The following ZNF396 variants were observed in gnomAD, a reference collection of about 807,000 sequenced individuals.
ZNF396 encodes the protein zinc finger and SCAN domain-containing protein 14.
ZNF396 carries 14 observed loss-of-function variants against 20.5 expected under a neutral mutation model. That is an observed-to-expected ratio of 0.68 (90% CI 0.45 to 1.07). ZNF396 has a LOEUF of 1.07. ZNF396 is among the 50% of genes least tolerant of loss of function. The pLI is 0.00. For missense variants in ZNF396, 347 were observed against 390.1 expected, an observed-to-expected ratio of 0.89 and a Z score of 0.93; for synonymous variants, 119 against 140.6, an observed-to-expected ratio of 0.85 and a Z score of 1.08.
At chr18:35,373,786 T>C in intron 2 of ZNF396, 90 bp downstream of exon 2, 1 of 1,526,582 alleles carries the variant, frequency 6.6e-7, no homozygotes, top group Non-Finnish European at 8.8e-7. Context: ...TTGTGCTGAG[T>C]GGGAATACAG....
chr18:35,373,857 C>A lies in ZNF396; in HGVS notation c.417+19G>T. On this transcript the variant is annotated intron_variant, in intron 2 of 3. Transcript: ENST00000589332. Reference sequence around the variant, plus strand: ...CTTGACTCAGCCTGGGGGTTCATCTCCACAGGCATCCTTCTTACCTGCTTT... The same window carrying A: ...CTTGACTCAGCCTGGGGGTTCATCTACACAGGCATCCTTCTTACCTGCTTT... 1 of 1,596,762 alleles carries A rather than the reference C, an allele frequency of 6.3e-7. No homozygotes were observed. Among genetic ancestry groups the A allele is most frequent in the Non-Finnish European group, 8.5e-7 (1 of 1,169,886 alleles).
At chr18:35,370,760 G>A (rs974963323) in intron 3 of ZNF396, among the ~76,000 whole-genome samples, 96 of 151,842 alleles carry the variant, frequency 6.3e-4, no homozygotes, top group East Asian at 1.2e-3. Context: ...TGATCCGCCC[G>A]CCTCGGCCTC....
intron 3 of ZNF396, among the ~76,000 whole-genome samples, chr18:35,370,504 A>ATTTTTTTT (rs35532616): frequency 1.2e-5 from 1 of 81,760 alleles, no homozygotes; most frequent in Non-Finnish European, 2.1e-5. Context: ...TCATGGTGGC[A>ATTTTTTTT]TTTTTTTTTT....
chr18:35,370,551 C>G (rs539980027), intron 3 of ZNF396, among the ~76,000 whole-genome samples: 1 of 108,276 alleles, frequency 9.2e-6, no homozygotes, highest in Non-Finnish European at 1.7e-5. Flanking sequence ...CTCGCTCTGT[C>G]GCCCAGGCTG....
rs2045231060 is a variant in ZNF396, at chr18:35,374,443, A to T, written c.-72-79T>A. ...TAGAACAAAACAACTAAGATTAGAA[A>T]CATAAGACTGTATAGGAACTACTGA... On this transcript the variant is annotated intron_variant, in intron 1 of 3. Transcript: ENST00000589332. The surrounding 1 kb of genome is among the most constrained non-coding windows in gnomAD (Gnocchi z 4.3). The T allele has an allele frequency of 2.0e-5, 14 of 698,524 alleles. No homozygotes were observed. The South Asian group carries it at 2.7e-4, about 14-fold the overall frequency. 43.3% of individuals were successfully genotyped at this position (698,524 alleles called of 1,614,324 possible). A position where few individuals can be genotyped will look rare whatever the true frequency, so the allele number is the denominator to read the frequency against.
In ZNF396 at chr18:35,374,255, G is replaced by A. The variant is rs2045228020; in HGVS notation, c.38C>T (p.Thr13Ile). The change falls in exon 2 of 4, where the codon ACA (threonine) becomes ATA (isoleucine). Residue 13 changes from threonine to isoleucine, a missense_variant. Thr to Ile is a moderately conservative substitution (Grantham distance 89). Transcript: ENST00000589332. This position sits in a 1 kb window ranked among gnomAD's most constrained non-coding sequence, Gnocchi z 4.3. ...CCCATTACACTCCTCTGAAGTTTGT[G>A]TTAGGAGTGATGATGACTTTCCCAA... ...AKLGKSSSLL[T>I]QTSEECNGIL... The A allele has an allele frequency of 1.2e-6, 2 of 1,614,148 alleles. No individual in the cohort carries two copies.
intron 1 of ZNF396, among the ~76,000 whole-genome samples, chr18:35,375,264 A>G (rs2032731): frequency 0.94 from 138,216 of 146,396 alleles, 65,771 homozygotes; most frequent in Middle Eastern, 0.99. Flanking sequence ...GTGCAACATA[A>G]TGGGACCCCA....
intron 3 of ZNF396, chr18:35,373,105 T>C (rs2045204900): frequency 3.4e-6 from 1 of 293,466 alleles, no homozygotes; most frequent in Non-Finnish European, 6.2e-6. Flanking sequence ...ACTGAGCAGT[T>C]ATATAGGAAA....
At position 35,369,512 on chromosome 18, in the gene ZNF396, C is replaced by T. The variant is rs771256350; in HGVS notation, c.711G>A (p.Arg237=). The T allele has an allele frequency of 6.2e-7, 1 of 1,614,094 alleles. No individual in the cohort carries two copies. Among genetic ancestry groups the T allele is most frequent in the South Asian group, 1.1e-5 (1 of 91,084 alleles). The part of the protein sequence containing the change: ...TYRGTYEQDG[R]FEKRQGNPSW... ...AAGGGTTTCCTTGTCTCTTTTCAAA[C>T]CTACCATCTTGTTCATAGGTTCCTC... The change falls in exon 4 of 4, where the codon AGG becomes AGA. Residue 237 remains arginine (R), a synonymous_variant. Transcript: ENST00000589332.
Position 35,368,474 on chromosome 18 carries a change from ATTTTTATT to A in ZNF396, c.*733_*740del, listed in dbSNP as rs2045124757. 1 of 812,048 alleles carries A rather than the reference ATTTTTATT, an allele frequency of 1.2e-6. No homozygotes were observed. Among genetic ancestry groups the A allele is most frequent in the Admixed American group, 3.7e-5 (1 of 26,862 alleles). The allele number at this position is 812,048 out of a possible 1,614,324, so 50.3% of individuals were successfully genotyped here. A position where few individuals can be genotyped will look rare whatever the true frequency, so the allele number is the denominator to read the frequency against. Reference sequence around the variant, plus strand: ...GTAACAGAAGACAAAATAGGAATTTATTTTTATTTTTATTTATTTATTTATTTATTTAT... The same window carrying A: ...GTAACAGAAGACAAAATAGGAATTTATTTATTTATTTATTTATTTATTTAT... On this transcript the variant is annotated 3_prime_UTR_variant, in exon 4 of 4. Coordinates refer to ENST00000589332, the MANE Select transcript of ZNF396 (RefSeq NM_001322286.2).
Position 35,367,260 on chromosome 18 carries a change from A to G in ZNF396, c.*1955T>C, listed in dbSNP as rs1229235497. The G allele has an allele frequency of 6.6e-6, 1 of 152,254 alleles. No homozygotes were observed. Among genetic ancestry groups the G allele is most frequent in the East Asian group, 1.9e-4 (1 of 5,206 alleles). 9.4% of individuals were successfully genotyped at this position (152,254 alleles called of 1,614,324 possible). ...ATCATAATCACTATCAGAAAATTCT[A>G]TAATAAAATTTACATTCACTTCTCC... is the stretch of plus-strand genomic sequence containing the variant. On this transcript the variant is annotated 3_prime_UTR_variant, in exon 4 of 4. Transcript: ENST00000589332.
At chr18:35,370,663 C>T (rs1189590065) in intron 3 of ZNF396, among the ~76,000 whole-genome samples, 2 of 151,112 alleles carry the variant, frequency 1.3e-5, no homozygotes, top group Admixed American at 6.6e-5. Context: ...CAGGCGCCCG[C>T]CACTACGCCC....
intron 3 of ZNF396, 62 bp downstream of exon 3, chr18:35,373,394 A>AT (rs1416526152): frequency 6.4e-7 from 1 of 1,557,872 alleles, no homozygotes; most frequent in African/African-American, 1.4e-5. Flanking sequence ...ATCAGCTGAG[A>AT]TGTGTGTGGT....
rs755631539 is a variant in ZNF396 at position 35,374,085 on chromosome 18, G to C, written c.208C>G (p.Leu70Val). Residue 70 changes from leucine to valine, a missense_variant, in exon 2 of 4, where the codon CTG becomes GTG. Transcript: ENST00000589332. The surrounding 1 kb of genome is among the most constrained non-coding windows in gnomAD (Gnocchi z 4.3). ...YQDSPGPHEA[L>V]SRLWELCHLW... ...TGACAAAGTTCCCAGAGCCGGCTCA[G>C]AGCCTCATGGGGCCCAGGTGAATCC... 3 of 1,614,252 alleles carry C rather than the reference G, an allele frequency of 1.9e-6. 1 individual carries two copies. The highest frequency in any genetic ancestry group is 2.5e-6 in the Non-Finnish European group (3 of 1,180,046).
chr18:35,376,384 G>T (rs1173190845), intron 1 of ZNF396: 1 of 152,188 alleles, frequency 6.6e-6, no homozygotes, highest in Non-Finnish European at 1.5e-5. Context: ...AAAAGCCCTA[G>T]ATTATTTTTA....
chr18:35,369,734 C>T, intron 3 of ZNF396, 74 bp from the exon 4 acceptor site: 1 of 1,415,516 alleles, frequency 7.1e-7, no homozygotes, highest in Non-Finnish European at 9.5e-7. Flanking sequence ...TTATTGCTAG[C>T]ATGTTTATAA....
chr18:35,370,348 G>A (rs1168540394), intron 3 of ZNF396, among the ~76,000 whole-genome samples: 1 of 151,920 alleles, frequency 6.6e-6, no homozygotes, highest in African/African-American at 2.4e-5. Context: ...TATGGGCTGC[G>A]GCCACTCAGG....
At position 35,369,293 on chromosome 18, in the gene ZNF396, A is replaced by G. The variant is rs1186657275; in HGVS notation, c.930T>C (p.His310=). The G allele has an allele frequency of 1.9e-6, 3 of 1,614,076 alleles. No homozygotes were observed. In the African/African-American group the frequency reaches 4.0e-5, roughly 22 times the overall value. The part of the protein sequence containing the change: ...THTGEKPYKC[H]DCGKAFSQSS... Reference sequence around the variant, plus strand: ...TCTGACTAAAGGCTTTGCCACAGTCATGACACTTGTAGGGCTTCTCACCAG... The same window carrying G: ...TCTGACTAAAGGCTTTGCCACAGTCGTGACACTTGTAGGGCTTCTCACCAG... Residue 310 remains histidine, a synonymous_variant, in exon 4 of 4, where the codon CAT becomes CAC. Coordinates refer to ENST00000589332, the MANE Select transcript of ZNF396 (RefSeq NM_001322286.2).
Position 35,366,716 on chromosome 18 carries a change from T to C in ZNF396, c.*2499A>G, listed in dbSNP as rs1334563733. ...CAATTTCATTTTGGAGTATTTACTA[T>C]CCCTGAAAATTAATATAATGGGGGT... On this transcript the variant is annotated 3_prime_UTR_variant, in exon 4 of 4. Coordinates refer to ENST00000589332, the MANE Select transcript of ZNF396 (RefSeq NM_001322286.2). 6.6e-6 allele frequency: 1 copy of C among 152,196 alleles called. No homozygotes were observed. Among genetic ancestry groups the C allele is most frequent in the Non-Finnish European group, 1.5e-5 (1 of 68,026 alleles). The allele number at this position is 152,196 out of a possible 1,614,324, so 9.4% of individuals were successfully genotyped here.
Sources: gnomAD v4.1 joint callset for allele counts (sites outside exome capture counted in the v4.1 genomes callset) on GRCh38, gnomAD v4.1.1 for gene constraint, Gnocchi (gnomAD v3.1) non-coding constraint, MANE v1.5 for transcripts, NCBI Gene and HGNC (gene_info 2026-07-23, HGNC 2026-07-21) for gene names.